Variants in CSNK1G1 observed in about 807,000 individuals in gnomAD.
The protein encoded by CSNK1G1 is casein kinase 1 gamma 1, also known as casein kinase I isoform gamma-1.
Under a neutral mutation model 59.6 loss-of-function variants are expected in CSNK1G1, and 22 were observed. The observed-to-expected ratio is 0.37, with a 90% CI of 0.26 to 0.53. The LOEUF (loss-of-function observed/expected upper bound fraction) is 0.53, where lower values mean the gene tolerates loss of function less well. Ranked by LOEUF, CSNK1G1 falls within the 20% of genes least tolerant of loss-of-function variation. The pLI is 0.89. For synonymous variants in CSNK1G1, 179 were observed against 177.1 expected, an observed-to-expected ratio of 1.01 and a Z score of -0.08; for missense variants, 384 against 519.5, an observed-to-expected ratio of 0.74 and a Z score of 2.54.
In CSNK1G1 at chr15:64,165,715, C is replaced by T. The variant is rs1481462564; in HGVS notation, c.*6216G>A. 4.0e-6 allele frequency: 1 copy of T among 252,410 alleles called. No homozygotes were observed. The highest frequency in any genetic ancestry group is 7.5e-6 in the Non-Finnish European group (1 of 133,898). 15.6% of individuals were successfully genotyped at this position (252,410 alleles called of 1,614,324 possible). ...ATTAAAAACAGACAAACCAATCAAC[C>T]AACCAAACAAGCAGAAGTAGCCAAG... On this transcript the variant is annotated 3_prime_UTR_variant, in exon 12 of 12. Coordinates refer to ENST00000303052, the MANE Select transcript of CSNK1G1 (RefSeq NM_022048.5).
chr15:64,308,559 A>G (rs1596255842), intron 1 of CSNK1G1, among the ~76,000 whole-genome samples: 1 of 152,014 alleles, frequency 6.6e-6, no homozygotes, highest in Non-Finnish European at 1.5e-5. Flanking sequence ...AGGACCCTCA[A>G]CTCTCTAGCA....
chr15:64,291,265 G>A (rs995386789), intron 2 of CSNK1G1, among the ~76,000 whole-genome samples: 2 of 152,118 alleles, frequency 1.3e-5, no homozygotes, highest in Non-Finnish European at 2.9e-5. Context: ...GCTTCATTTT[G>A]AACTAGAGAA....
At chr15:64,344,961 T>C (rs920893132) in intron 1 of CSNK1G1, among the ~76,000 whole-genome samples, 2 of 152,210 alleles carry the variant, frequency 1.3e-5, no homozygotes, top group South Asian at 4.1e-4. Context: ...ATAATGTATC[T>C]CTGGAGAATC....
chr15:64,336,112 C>T (rs926757500), intron 1 of CSNK1G1, among the ~76,000 whole-genome samples: 1 of 152,118 alleles, frequency 6.6e-6, no homozygotes, highest in Non-Finnish European at 1.5e-5. Flanking sequence ...GAACTCTATG[C>T]GACTAGGGAC....
In CSNK1G1 at chr15:64,200,103, G is replaced by A. The variant is rs554960879; in HGVS notation, c.1107+2979C>T. On this transcript the variant is annotated intron_variant, in intron 10 of 11. Transcript: ENST00000303052. The surrounding 1 kb of genome is among the most constrained non-coding windows in gnomAD (Gnocchi z 4.3). ...CCACTAAACATACAAAAATTAGCCC[G>A]GTGTGGTGGCAGGCACCTGTAATCC... is the stretch of plus-strand genomic sequence containing the variant. Among the ~76,000 whole-genome samples, 98 of 151,814 alleles carry A rather than the reference G, an allele frequency of 6.5e-4. No homozygotes were observed. The highest frequency in any genetic ancestry group is 2.2e-3 in the African/African-American group (90 of 41,434).
At chr15:64,229,018 C>CA (rs1218085247) in intron 4 of CSNK1G1, among the ~76,000 whole-genome samples, 10,267 of 65,220 alleles carry the variant, frequency 0.16, 1,925 homozygotes, top group African/African-American at 0.44. Context: ...GACTCTGTCT[C>CA]AAAAAAAAAA....
chr15:64,327,698 A>G, intron 1 of CSNK1G1, among the ~76,000 whole-genome samples: 1 of 151,892 alleles, frequency 6.6e-6, no homozygotes, highest in East Asian at 1.9e-4. Flanking sequence ...AGGTGAGAGA[A>G]GAAGGCTTCA....
intron 1 of CSNK1G1, among the ~76,000 whole-genome samples, chr15:64,335,453 A>G (rs1305413944): frequency 6.6e-6 from 1 of 152,174 alleles, no homozygotes; most frequent in Non-Finnish European, 1.5e-5. Context: ...GCACTTTGGT[A>G]ACAAAGTCAG....
chr15:64,297,593 G>A lies in CSNK1G1; in HGVS notation c.181+2726C>T, dbSNP rs115386760. ...GTGTTCTTATGCACTAGCTATTAAG[G>A]AGGCTGAAGTAGGAGGATCGCTTGA... On this transcript the variant is annotated intron_variant, in intron 2 of 11. Coordinates refer to ENST00000303052, the MANE Select transcript of CSNK1G1 (RefSeq NM_022048.5). Among the ~76,000 whole-genome samples the A allele has an allele frequency of 8.4e-3, 1,279 of 152,134 alleles. 19 individuals carry two copies. Among genetic ancestry groups the A allele is most frequent in the African/African-American group, 0.029 (1,200 of 41,492 alleles).
At chr15:64,240,748 C>T (rs1596145082) in intron 4 of CSNK1G1, among the ~76,000 whole-genome samples, 1 of 152,108 alleles carries the variant, frequency 6.6e-6, no homozygotes, top group South Asian at 2.1e-4. Context: ...CTGAAGGAAT[C>T]TGTCACTACT....
At chr15:64,257,899 C>T (rs1454311707) in intron 3 of CSNK1G1, among the ~76,000 whole-genome samples, 1 of 152,170 alleles carries the variant, frequency 6.6e-6, no homozygotes, top group African/African-American at 2.4e-5. Context: ...TTCCTGCTCC[C>T]ATCTATCCAA....
chr15:64,241,185 C>CTTTT (rs2082688962), intron 4 of CSNK1G1, among the ~76,000 whole-genome samples: 1 of 152,054 alleles, frequency 6.6e-6, no homozygotes, highest in South Asian at 2.1e-4. Flanking sequence ...AAAAGATATT[C>CTTTT]TACACAAATG....
At chr15:64,264,521 A>AG (rs1207955181) in intron 2 of CSNK1G1, among the ~76,000 whole-genome samples, 3 of 152,226 alleles carry the variant, frequency 2.0e-5, no homozygotes, top group African/African-American at 4.8e-5. Flanking sequence ...TTCTAAACTT[A>AG]TTCTGAGTCC....
At chr15:64,178,482 C>CTTTTTTTT (rs1175775132) in intron 11 of CSNK1G1, among the ~76,000 whole-genome samples, 1 of 123,762 alleles carries the variant, frequency 8.1e-6, no homozygotes, top group African/African-American at 3.1e-5. Flanking sequence ...CAAAAATTTT[C>CTTTTTTTT]TTTTTTTTTT....
rs1365111985 is a variant in CSNK1G1 at position 64,294,087 on chromosome 15, T to C, written c.181+6232A>G. The stretch of plus-strand genomic sequence containing the variant: ...TTAAGCAATAAAAAGAGGCTTCTTT[T>C]TTTGAGACGGAGTCTCACTCTGTCT... On this transcript the variant is annotated intron_variant, in intron 2 of 11. Coordinates refer to ENST00000303052, the MANE Select transcript of CSNK1G1 (RefSeq NM_022048.5). Among the ~76,000 whole-genome samples, 4 of 152,332 alleles carry C rather than the reference T, an allele frequency of 2.6e-5. No homozygotes were observed. In the East Asian group the frequency reaches 7.7e-4, roughly 29 times the overall value.
intron 10 of CSNK1G1, among the ~76,000 whole-genome samples, chr15:64,202,646 G>A (rs188232752): frequency 4.9e-4 from 75 of 151,698 alleles, no homozygotes; most frequent in Non-Finnish European, 6.0e-4. Flanking sequence ...TTGACTTCCC[G>A]GGCTCAGGTG....
At chr15:64,180,193 C>T in intron 11 of CSNK1G1, 155 bp downstream of exon 11, 1 of 613,228 alleles carries the variant, frequency 1.6e-6, no homozygotes, top group Non-Finnish European at 2.9e-6. Flanking sequence ...CAGTAGCAGC[C>T]TTAAGGTACC....
At chr15:64,279,888 C>G (rs1286032692) in intron 2 of CSNK1G1, among the ~76,000 whole-genome samples, 1 of 151,624 alleles carries the variant, frequency 6.6e-6, no homozygotes, top group Admixed American at 6.6e-5. Flanking sequence ...AGGAGAATCC[C>G]TTGAACCCAG....
intron 1 of CSNK1G1, among the ~76,000 whole-genome samples, chr15:64,326,109 C>T (rs548977947): frequency 3.9e-4 from 60 of 152,296 alleles, no homozygotes; most frequent in African/African-American, 1.3e-3. Context: ...ATTGCAACCT[C>T]GACTTCCCAG....
Sources: allele counts gnomAD v4.1 joint callset (sites outside exome capture counted in the v4.1 genomes callset), GRCh38; gene constraint gnomAD v4.1.1; non-coding constraint Gnocchi (gnomAD v3.1); transcripts MANE v1.5; gene names NCBI Gene and HGNC (gene_info 2026-07-23, HGNC 2026-07-21).